CELF5: variants seen among roughly 807,000 people sequenced by gnomAD.
The protein encoded by CELF5 is CUGBP Elav-like family member 5, also known as CUG-BP and ETR-3 like factor 5.
Under a neutral mutation model 54.9 loss-of-function variants are expected in CELF5, and 6 were observed. The ratio of observed to expected loss-of-function variants is 0.11; its 90% confidence interval spans 0.06 to 0.22. The LOEUF (loss-of-function observed/expected upper bound fraction) is 0.22. CELF5 is among the 10% of genes least tolerant of loss of function. CELF5 has a pLI of 1.00. For missense variants in CELF5, 401 were observed against 678.6 expected (o/e 0.59, Z 4.54); for synonymous variants, 271 against 290.9 (o/e 0.93, Z 0.70).
intron 5 of CELF5, among the ~76,000 whole-genome samples, chr19:3,280,032 A>T (rs865868064): frequency 5.9e-5 from 9 of 152,198 alleles, no homozygotes; most frequent in Middle Eastern, 6.8e-3. Flanking sequence ...CGATATCAGG[A>T]CCTGTTGCAG....
intron 4 of CELF5, 152 bp from the exon 5 acceptor site, chr19:3,277,879 A>C (rs1187897817): frequency 1.6e-6 from 1 of 635,668 alleles, no homozygotes; most frequent in African/African-American, 1.8e-5. Flanking sequence ...CCGTCTGAGC[A>C]AACGGCTGGC....
At chr19:3,258,616 A>C (rs402374) in intron 2 of CELF5, among the ~76,000 whole-genome samples, 1 of 151,468 alleles carries the variant, frequency 6.6e-6, no homozygotes, top group Non-Finnish European at 1.5e-5. Flanking sequence ...CATATTTTTT[A>C]TTTTTATTTT....
rs2080240838 is a variant in CELF5 at position 3,285,960 on chromosome 19, C to T, written c.1121C>T (p.Ala374Val). ...TCCGCAGCCATGTACCCCACCGCGG[C>T]CATCACGCCCATCGCGCACAGCGTC... The part of the protein sequence containing the change: ...QQYTAMYPTA[A>V]ITPIAHSVPQ... The change falls in exon 10 of 13, where the codon GCC (alanine) becomes GTC (valine). Residue 374 changes from alanine to valine, a missense_variant. By Grantham distance (64) the Ala-to-Val change is moderately conservative. Around this residue, in one of 6 missense-constraint regions of CELF5, gnomAD observed 143 missense variants for 147.6 expected, o/e 0.97. Coordinates refer to ENST00000292672, the MANE Select transcript of CELF5 (RefSeq NM_021938.4). 5 of 1,588,574 alleles carry T rather than the reference C, an allele frequency of 3.1e-6. No individual in the cohort carries two copies. Among genetic ancestry groups the T allele is most frequent in the African/African-American group, 1.4e-5 (1 of 72,414 alleles).
At chr19:3,288,343 G>GA (rs1568365520) in intron 10 of CELF5, among the ~76,000 whole-genome samples, 1 of 151,750 alleles carries the variant, frequency 6.6e-6, no homozygotes, top group Admixed American at 6.6e-5. Flanking sequence ...ACAACATGGC[G>GA]AAACCCTGTC....
At chr19:3,289,673 C>G (rs2080310135) in intron 10 of CELF5, among the ~76,000 whole-genome samples, 1 of 75,960 alleles carries the variant, frequency 1.3e-5, no homozygotes, top group African/African-American at 6.0e-5. Flanking sequence ...CAGAGCGAGA[C>G]TCCATCTCAA....
chr19:3,282,027 C>A lies in CELF5; in HGVS notation c.751-99C>A. On this transcript the variant is annotated intron_variant, in intron 6 of 12. Transcript: ENST00000292672. This position sits in a 1 kb window ranked among gnomAD's most constrained non-coding sequence, Gnocchi z 5.2. ...TCTCAGCCTGAGCCAAGATACCCAG[C>A]CTGACCTCCTCACTAGTAACTGGGG... The A allele has an allele frequency of 7.4e-7, 1 of 1,360,486 alleles. No homozygotes were observed. 84.3% of individuals were successfully genotyped at this position (1,360,486 alleles called of 1,614,324 possible).
In CELF5 at chr19:3,228,194, A is replaced by G. The variant is rs144423208; in HGVS notation, c.259+3196A>G. ...GAGACAGAGAGACCCACAGAGAGAC[A>G]GAGACAGAGAAACACAGACAGGGAG... On this transcript the variant is annotated intron_variant, in intron 1 of 12. Coordinates refer to ENST00000292672, the MANE Select transcript of CELF5 (RefSeq NM_021938.4). This position sits in a 1 kb window ranked among gnomAD's most constrained non-coding sequence, Gnocchi z 6.0. 3.2e-3 allele frequency among the ~76,000 whole-genome samples: 487 copies of G among 152,250 alleles called. 5 individuals are homozygous for G. Among genetic ancestry groups the G allele is most frequent in the African/African-American group, 0.01 (435 of 41,548 alleles).
At position 3,278,603 on chromosome 19, in the gene CELF5, CGTGT is replaced by C. The variant is rs1243000963; in HGVS notation, c.603+499_603+502del. Among the ~76,000 whole-genome samples, 2 of 150,984 alleles carry C rather than the reference CGTGT, an allele frequency of 1.3e-5. No homozygotes were observed. The highest frequency in any genetic ancestry group is 3.0e-5 in the Non-Finnish European group (2 of 67,788). On this transcript the variant is annotated intron_variant, in intron 5 of 12. Transcript: ENST00000292672. The surrounding 1 kb of genome is among the most constrained non-coding windows in gnomAD (Gnocchi z 4.5). ...ACATGTGTGTTTCTATGTGTGTGAGCGTGTGTGTGAGTATGCCTGGGCCACGGGG... is the reference window on the plus strand; with the variant it reads ...ACATGTGTGTTTCTATGTGTGTGAGCGTGTGAGTATGCCTGGGCCACGGGG...
intron 10 of CELF5, chr19:3,286,518 C>T (rs2080250933): frequency 6.5e-6 from 1 of 154,140 alleles, no homozygotes; most frequent in African/African-American, 2.4e-5. Context: ...GGGAGGATCA[C>T]TTGAGCCCAG....
In CELF5 at chr19:3,268,762, G is replaced by A. The variant is rs768368937; in HGVS notation, c.343-5110G>A. On this transcript the variant is annotated intron_variant, in intron 2 of 12. Coordinates refer to ENST00000292672, the MANE Select transcript of CELF5 (RefSeq NM_021938.4). This position sits in a 1 kb window ranked among gnomAD's most constrained non-coding sequence, Gnocchi z 4.4. Reference sequence around the variant, plus strand: ...TGTGTGTGTTTAGTGGGGAGGGGTCGTAATCAAGGTAATGCCTGGGCAAGA... The same window carrying A: ...TGTGTGTGTTTAGTGGGGAGGGGTCATAATCAAGGTAATGCCTGGGCAAGA... 6.6e-5 allele frequency among the ~76,000 whole-genome samples: 10 copies of A among 152,090 alleles called. No individual in the cohort carries two copies. Among genetic ancestry groups the A allele is most frequent in the African/African-American group, 1.2e-4 (5 of 41,412 alleles).
At position 3,282,882 on chromosome 19, in the gene CELF5, T is replaced by C. The variant is rs147115130; in HGVS notation, c.1039+384T>C. ...GTCTCACTCTGTCGCCCAGGCTGCA[T>C]TGCAGTGGCACAATCTTGGCTGACT... On this transcript the variant is annotated intron_variant, in intron 8 of 12. Coordinates refer to ENST00000292672, the MANE Select transcript of CELF5 (RefSeq NM_021938.4). The surrounding 1 kb of genome is among the most constrained non-coding windows in gnomAD (Gnocchi z 5.2). 6.6e-6 allele frequency among the ~76,000 whole-genome samples: 1 copy of C among 152,262 alleles called. No homozygotes were observed. Among genetic ancestry groups the C allele is most frequent in the East Asian group, 1.9e-4 (1 of 5,188 alleles).
At chr19:3,274,903 GTC>G (rs1324847236) in intron 3 of CELF5, among the ~76,000 whole-genome samples, 4 of 151,866 alleles carry the variant, frequency 2.6e-5, no homozygotes, top group Admixed American at 2.6e-4. Flanking sequence ...CTATTTCTCT[GTC>G]TCTCTCTCCA....
chr19:3,285,869 C>A, intron 9 of CELF5, 73 bp from the exon 10 acceptor site: 2 of 1,121,036 alleles, frequency 1.8e-6, no homozygotes, highest in South Asian at 3.5e-5. Context: ...CGCCCCCTCC[C>A]CGCCCAGCGG....
At chr19:3,240,127 G>C (rs2079471191) in intron 1 of CELF5, among the ~76,000 whole-genome samples, 1 of 146,358 alleles carries the variant, frequency 6.8e-6, no homozygotes, top group Non-Finnish European at 1.5e-5. Flanking sequence ...TCCTGCCTCA[G>C]CCTCCTGAGT....
At chr19:3,249,921 C>T (rs1293053511) in intron 1 of CELF5, among the ~76,000 whole-genome samples, 1 of 152,160 alleles carries the variant, frequency 6.6e-6, no homozygotes, top group African/African-American at 2.4e-5. Flanking sequence ...CCCCTCTGCC[C>T]ACTCCCCTCA....
intron 1 of CELF5, among the ~76,000 whole-genome samples, chr19:3,238,480 A>C (rs1417517794): frequency 6.6e-6 from 1 of 152,154 alleles, no homozygotes; most frequent in Non-Finnish European, 1.5e-5. Flanking sequence ...GCCAGAAATC[A>C]GCTATCAAGG....
At chr19:3,244,181 A>G (rs1046343162) in intron 1 of CELF5, among the ~76,000 whole-genome samples, 16 of 152,070 alleles carry the variant, frequency 1.1e-4, no homozygotes, top group African/African-American at 3.9e-4. Context: ...CACGGAAGCC[A>G]TAAGGAAGAT....
rs2080211584 is a variant in CELF5 at position 3,284,958 on chromosome 19, T to A, written c.1096T>A (p.Tyr366Asn). 6.2e-7 allele frequency: 1 copy of A among 1,611,238 alleles called. No homozygotes were observed. The highest frequency in any genetic ancestry group is 1.1e-5 in the South Asian group (1 of 90,750). ...LHPAFSGVQQYTAMYPTAAIT... is the reference protein window; with the variant it reads ...LHPAFSGVQQNTAMYPTAAIT... ...TCCTGCCTTCTCCGGAGTCCAGCAG[T>A]ACACAGGTAGGAGGCAGCCCGCGTG... The change falls in exon 9 of 13, where the codon TAC (tyrosine) becomes AAC (asparagine). Residue 366 changes from tyrosine to asparagine, a missense_variant. By Grantham distance (143) the Tyr-to-Asn change is moderately radical (BLOSUM62 -2). Coordinates refer to ENST00000292672, the MANE Select transcript of CELF5 (RefSeq NM_021938.4).
At chr19:3,250,935 C>A in intron 1 of CELF5, 50 bp from the exon 2 acceptor site, 1 of 1,398,608 alleles carries the variant, frequency 7.1e-7, no homozygotes, top group East Asian at 2.3e-5. Flanking sequence ...GCTGCTGTGA[C>A]CATGGGTGTG....
Sources: gnomAD v4.1 joint callset for allele counts (sites outside exome capture counted in the v4.1 genomes callset) on GRCh38, gnomAD v4.1.1 for gene constraint, gnomAD v4.1.1 regional missense constraint, Gnocchi (gnomAD v3.1) non-coding constraint, MANE v1.5 for transcripts, NCBI Gene and HGNC (gene_info 2026-07-23, HGNC 2026-07-21) for gene names.